PAXIP1: variants seen among roughly 807,000 people sequenced by gnomAD.
PAXIP1 encodes the protein PAX interacting protein 1, also known as PAX-interacting protein 1.
In PAXIP1, 19 loss-of-function variants were observed where a neutral mutation model predicts 140.6. That is an observed-to-expected ratio of 0.14 (90% CI 0.09 to 0.20). The LOEUF (loss-of-function observed/expected upper bound fraction) is 0.20, where lower values mean the gene tolerates loss of function less well. Among genes scored for constraint, PAXIP1 ranks in the 10% least tolerant of loss-of-function variants. The pLI, the probability that PAXIP1 is intolerant of heterozygous loss-of-function variation, is 1.00. For synonymous variants in PAXIP1, 442 were observed against 444.6 expected, an observed-to-expected ratio of 0.99 and a Z score of 0.07; for missense variants, 920 against 1,208.6, an observed-to-expected ratio of 0.76 and a Z score of 3.54.
intron 13 of PAXIP1, among the ~76,000 whole-genome samples, chr7:154,959,615 C>T (rs1033845554): frequency 1.3e-5 from 2 of 152,154 alleles, no homozygotes; most frequent in African/African-American, 4.8e-5. Flanking sequence ...CAACTCAGGA[C>T]ACTATGAAAA....
chr7:154,978,011 T>A (rs1260048001), intron 5 of PAXIP1, among the ~76,000 whole-genome samples: 1 of 137,218 alleles, frequency 7.3e-6, no homozygotes. Context: ...GTGGAATAAA[T>A]CCCTTGTATC....
chr7:154,997,775 G>A (rs918278193), intron 2 of PAXIP1, among the ~76,000 whole-genome samples: 1 of 152,204 alleles, frequency 6.6e-6, no homozygotes, highest in Non-Finnish European at 1.5e-5. Flanking sequence ...GACGACCAGT[G>A]GGTAGACAAT....
intron 11 of PAXIP1, among the ~76,000 whole-genome samples, chr7:154,961,292 A>G (rs1448245211): frequency 6.6e-6 from 1 of 152,180 alleles, no homozygotes; most frequent in Non-Finnish European, 1.5e-5. Flanking sequence ...TCTTACTTCT[A>G]CCCTATTCCT....
At chr7:154,975,587 G>A in intron 6 of PAXIP1, 109 bp downstream of exon 6, 2 of 690,126 alleles carry the variant, frequency 2.9e-6, no homozygotes, top group Non-Finnish European at 4.8e-6. Flanking sequence ...AATACTGCTT[G>A]TAAGTTATTT....
rs1310394619 is a variant in PAXIP1, at chr7:154,954,941, T to C, written c.2653-518A>G. Among the ~76,000 whole-genome samples, 1 of 152,260 alleles carries C rather than the reference T, an allele frequency of 6.6e-6. No homozygotes were observed. Among genetic ancestry groups the C allele is most frequent in the Non-Finnish European group, 1.5e-5 (1 of 68,042 alleles). On this transcript the variant is annotated intron_variant, in intron 15 of 20. Coordinates refer to ENST00000404141, the MANE Select transcript of PAXIP1 (RefSeq NM_007349.4). This position sits in a 1 kb window ranked among gnomAD's most constrained non-coding sequence, Gnocchi z 5.1. Reference sequence around the variant, plus strand: ...AAATGTATAATACTAGCATTTATAATTGTTTCTTTTCCTTAAAAAGGAAAC... The same window carrying C: ...AAATGTATAATACTAGCATTTATAACTGTTTCTTTTCCTTAAAAAGGAAAC...
intron 16 of PAXIP1, chr7:154,951,896 G>A (rs1808286676): frequency 6.6e-6 from 1 of 152,192 alleles, no homozygotes. Flanking sequence ...AGCAGCCGAT[G>A]GAGCCAACCA....
At chr7:154,961,387 A>C in intron 11 of PAXIP1, 140 bp downstream of exon 11, 1 of 664,778 alleles carries the variant, frequency 1.5e-6, no homozygotes, top group Non-Finnish European at 2.5e-6. Context: ...TTACTATATC[A>C]TTGTCATACT....
rs972542780 is a variant in PAXIP1, at chr7:154,960,168, C to T, written c.2435-235G>A. ...CTGGATGAAGTAGCACTAAGACCAT[C>T]GGCAGCAAACAACAAAGCAAACGTT... On this transcript the variant is annotated intron_variant, in intron 12 of 20. Coordinates refer to ENST00000404141, the MANE Select transcript of PAXIP1 (RefSeq NM_007349.4). 3.9e-5 allele frequency among the ~76,000 whole-genome samples: 6 copies of T among 152,276 alleles called. No individual in the cohort carries two copies. In the South Asian group the frequency reaches 1.2e-3, roughly 32 times the overall value.
intron 16 of PAXIP1, among the ~76,000 whole-genome samples, chr7:154,952,959 G>A (rs1290933785): frequency 6.6e-6 from 1 of 151,944 alleles, no homozygotes; most frequent in East Asian, 1.9e-4. Context: ...ATTTTTCTGG[G>A]TCTTCTCATC....
chr7:154,997,232 A>AT (rs1810675355), intron 2 of PAXIP1, among the ~76,000 whole-genome samples: 1 of 151,966 alleles, frequency 6.6e-6, no homozygotes, highest in South Asian at 2.1e-4. Context: ...CAATCTTTCT[A>AT]TTTTTTTCCC....
intron 5 of PAXIP1, among the ~76,000 whole-genome samples, chr7:154,979,761 T>TC (rs1467830911): frequency 2.6e-5 from 4 of 152,116 alleles, no homozygotes; most frequent in African/African-American, 9.7e-5. Flanking sequence ...GACTGGTGCT[T>TC]CTCAGCCTTC....
chr7:154,976,298 T>C lies in PAXIP1; in HGVS notation c.472A>G (p.Ile158Val), dbSNP rs1261624. 2 of 1,607,676 alleles carry C rather than the reference T, an allele frequency of 1.2e-6. No homozygotes were observed. Among genetic ancestry groups the C allele is most frequent in the African/African-American group, 1.3e-5 (1 of 74,702 alleles). The change falls in exon 6 of 21, where the codon ATT becomes GTT. Residue 158 changes from isoleucine (I) to valine (V), a missense_variant. Around this residue, in one of 5 missense-constraint regions of PAXIP1, gnomAD observed 419 missense variants for 514.7 expected, o/e 0.81. Coordinates refer to ENST00000404141, the MANE Select transcript of PAXIP1 (RefSeq NM_007349.4). Reference protein sequence around the residue: ...KYECALKRASIKIVTPDWVLD... With the variant: ...KYECALKRASVKIVTPDWVLD... ...ACCCAGTCAGGAGTCACAATTTTAA[T>C]ACTTGCTCGCTTTAAAGCACATTCG... is the stretch of plus-strand genomic sequence containing the variant.
At chr7:154,995,441 A>C (rs1396515861) in intron 2 of PAXIP1, among the ~76,000 whole-genome samples, 1 of 152,242 alleles carries the variant, frequency 6.6e-6, no homozygotes, top group Non-Finnish European at 1.5e-5. Flanking sequence ...ACTTCAGATA[A>C]GTTTAGATAA....
Position 154,986,249 on chromosome 7 carries a change from GCCT to G in PAXIP1, c.325-2920_325-2918del. ...AGTCCTTTTGTAAAGCTGGGGTCCT[GCCT>G]GGCGTGTGCATGTGAGTGTGTGTGC... On this transcript the variant is annotated intron_variant, in intron 4 of 20. Coordinates refer to ENST00000404141, the MANE Select transcript of PAXIP1 (RefSeq NM_007349.4). The surrounding 1 kb of genome is among the most constrained non-coding windows in gnomAD (Gnocchi z 4.8). The G allele has an allele frequency of 8.5e-7, 1 of 1,176,268 alleles. No homozygotes were observed. The highest frequency in any genetic ancestry group is 1.1e-6 in the Non-Finnish European group (1 of 894,572). 72.9% of individuals were successfully genotyped at this position (1,176,268 alleles called of 1,614,324 possible).
intron 15 of PAXIP1, 64 bp downstream of exon 15, chr7:154,955,465 G>C: frequency 3.3e-6 from 3 of 908,552 alleles, no homozygotes; most frequent in Non-Finnish European, 5.4e-6. Context: ...CTGCTGATCT[G>C]AAGTAAATAT....
At chr7:154,951,246 T>C (rs527253286) in intron 16 of PAXIP1, 1 of 152,326 alleles carries the variant, frequency 6.6e-6, no homozygotes, top group South Asian at 2.1e-4. Flanking sequence ...AATGTAACTA[T>C]GGACTTCGGG....
Position 154,986,284 on chromosome 7 carries a change from G to T in PAXIP1, c.325-2952C>A. On this transcript the variant is annotated intron_variant, in intron 4 of 20. Transcript: ENST00000404141. The surrounding 1 kb of genome is among the most constrained non-coding windows in gnomAD (Gnocchi z 4.8). Reference sequence around the variant, plus strand: ...TGCATGTGAGTGTGTGTGCGCATGGGTGCTCCAGTGTGCAGAAAAGGTGCA... The same window carrying T: ...TGCATGTGAGTGTGTGTGCGCATGGTTGCTCCAGTGTGCAGAAAAGGTGCA... 1.5e-6 allele frequency: 1 copy of T among 658,840 alleles called. No homozygotes were observed. The highest frequency in any genetic ancestry group is 2.2e-6 in the Non-Finnish European group (1 of 448,710). The allele number at this position is 658,840 out of a possible 1,614,324, so 40.8% of individuals were successfully genotyped here. A position where few individuals can be genotyped will look rare whatever the true frequency, so the allele number is the denominator to read the frequency against.
intron 12 of PAXIP1, 141 bp from the exon 13 acceptor site, chr7:154,960,074 T>C (rs1174645884): frequency 6.7e-6 from 4 of 599,386 alleles, no homozygotes; most frequent in Admixed American, 2.9e-5. Context: ...GTAAGTACTA[T>C]AATGAAGTTT....
chr7:154,964,153 C>T (rs980125700), intron 8 of PAXIP1: 20 of 166,574 alleles, frequency 1.2e-4, no homozygotes, highest in Admixed American at 2.3e-4. Context: ...GCCCCCTAGC[C>T]GCGACTACTA....
Sources: allele counts gnomAD v4.1 joint callset (sites outside exome capture counted in the v4.1 genomes callset), GRCh38; gene constraint gnomAD v4.1.1; regional missense constraint gnomAD v4.1.1; non-coding constraint Gnocchi (gnomAD v3.1); transcripts MANE v1.5; gene names NCBI Gene and HGNC (gene_info 2026-07-23, HGNC 2026-07-21).